The following ITIH1 variants were observed in gnomAD, a reference collection of about 807,000 sequenced individuals.
ITIH1 encodes the protein inter-alpha-trypsin inhibitor heavy chain H1.
Under a neutral mutation model 104.6 loss-of-function variants are expected in ITIH1, and 94 were observed. The observed-to-expected ratio is 0.90, with a 90% confidence interval of 0.76 to 1.07. The LOEUF is 1.07. ITIH1 is among the 50% of genes least tolerant of loss of function. The pLI, the probability that ITIH1 is intolerant of heterozygous loss-of-function variation, is 0.00. For missense variants in ITIH1, 1,193 were observed against 1,181.4 expected, an observed-to-expected ratio of 1.01 and a Z score of -0.14; for synonymous variants, 455 against 464.4, an observed-to-expected ratio of 0.98 and a Z score of 0.26.
chr3:52,787,785 A>T, intron 16 of ITIH1, 173 bp downstream of exon 16: 1 of 915,622 alleles, frequency 1.1e-6, no homozygotes. Context: ...GGAGACAGAG[A>T]GGGGGCCAGC....
Position 52,781,955 on chromosome 3 carries a change from C to T in ITIH1, c.703C>T (p.Arg235Cys), listed in dbSNP as rs1450208611. 13 of 1,614,154 alleles carry T rather than the reference C, an allele frequency of 8.1e-6. No homozygotes were observed. The highest frequency in any genetic ancestry group is 1.0e-5 in the Non-Finnish European group (12 of 1,180,030). Residue 235 changes from arginine to cysteine, a missense_variant, in exon 7 of 22, where the codon CGT (arginine) becomes TGT (cysteine). By Grantham distance (180) the Arg-to-Cys change is radical. Transcript: ENST00000273283. ...FSGKKGHVLFRPTVSQQQSCP... is the reference protein window; with the variant it reads ...FSGKKGHVLFCPTVSQQQSCP... ...ACGGTTCCAGGGTCATGTGCTGTTCCGTCCCACCGTGAGCCAGCAGCAGTC... is the reference window on the plus strand; with the variant it reads ...ACGGTTCCAGGGTCATGTGCTGTTCTGTCCCACCGTGAGCCAGCAGCAGTC...
chr3:52,784,344 G>T lies in ITIH1; in HGVS notation c.1274G>T (p.Arg425Leu). The T allele has an allele frequency of 1.2e-6, 2 of 1,614,134 alleles. No homozygotes were observed. Among genetic ancestry groups the T allele is most frequent in the Non-Finnish European group, 1.7e-6 (2 of 1,180,000 alleles). Residue 425 changes from arginine to leucine, a missense_variant, in exon 11 of 22, where the codon CGG (arginine) becomes CTG (leucine). Coordinates refer to ENST00000273283, the MANE Select transcript of ITIH1 (RefSeq NM_002215.4). ...CTCAAGAACGTCCGCAACGCCATCCGGGGCAGGTTCCCGCTCTACAACCTG... is the reference window on the plus strand; with the variant it reads ...CTCAAGAACGTCCGCAACGCCATCCTGGGCAGGTTCCCGCTCTACAACCTG... ...QILKNVRNAIRGRFPLYNLGF... is the reference protein window; with the variant it reads ...QILKNVRNAILGRFPLYNLGF...
chr3:52,790,574 G>T, intron 19 of ITIH1, 175 bp from the exon 20 acceptor site: 1 of 645,798 alleles, frequency 1.5e-6, no homozygotes, highest in East Asian at 2.8e-5. Flanking sequence ...ACATTGCAAG[G>T]GCCCCAAGCA....
Position 52,785,224 on chromosome 3 carries a change from C to G in ITIH1, c.1588C>G (p.His530Asp). 6.2e-7 allele frequency: 1 copy of G among 1,614,016 alleles called. No homozygotes were observed. Among genetic ancestry groups the G allele is most frequent in the Non-Finnish European group, 8.5e-7 (1 of 1,179,940 alleles). Residue 530 changes from histidine to aspartate, a missense_variant, in exon 12 of 22, where the codon CAT becomes GAT. By Grantham distance (81) the His-to-Asp change is moderately conservative (BLOSUM62 -1). Transcript: ENST00000273283. ...CAGCTTCAAGGCTGATGTGCAGGCC[C>G]ATGGGGTAAATGGTGGGCCATGGAG... ...QSSFKADVQA[H>D]GEGQEFSITC...
chr3:52,781,250 C>G (rs1559461362), intron 6 of ITIH1, among the ~76,000 whole-genome samples: 1 of 112,810 alleles, frequency 8.9e-6, no homozygotes, highest in African/African-American at 3.1e-5. Flanking sequence ...TCTTCTTCTT[C>G]TTCTTCTTCT....
At chr3:52,782,885 T>C (rs1699099521) in intron 8 of ITIH1, 72 bp from the exon 9 acceptor site, 2 of 1,436,872 alleles carry the variant, frequency 1.4e-6, no homozygotes, top group East Asian at 4.6e-5. Context: ...AAATGGGTAT[T>C]TGGAGTTGGA....
chr3:52,781,225 TC>T (rs1699039272), intron 6 of ITIH1, among the ~76,000 whole-genome samples: 7 of 64,916 alleles, frequency 1.1e-4, no homozygotes, highest in African/African-American at 3.3e-4. Context: ...TTCTTCTTCT[TC>T]TTCTTCTTCT....
Position 52,788,235 on chromosome 3 carries a change from A to G in ITIH1, c.2009A>G (p.Asp670Gly). The G allele has an allele frequency of 6.2e-7, 1 of 1,604,460 alleles. No homozygotes were observed. The highest frequency in any genetic ancestry group is 8.5e-7 in the Non-Finnish European group (1 of 1,172,972). ...GAATTCCATGCTGTGCCCCCAGTGG[A>G]CACAGACCCTCACTTCATCATCCAC... ...QRLPDRVTGV[D>G]TDPHFIIHVP... Residue 670 changes from aspartate to glycine, a missense_variant, in exon 18 of 22, where the codon GAC (aspartate) becomes GGC (glycine). Physicochemically the swap from Asp to Gly is moderately conservative, Grantham distance 94 (BLOSUM62 -1). Coordinates refer to ENST00000273283, the MANE Select transcript of ITIH1 (RefSeq NM_002215.4).
chr3:52,788,190 T>C, intron 17 of ITIH1, 42 bp from the exon 18 acceptor site: 1 of 1,542,556 alleles, frequency 6.5e-7, no homozygotes, highest in South Asian at 1.1e-5. Flanking sequence ...CAGCCCCATC[T>C]GCCCGATGTC....
intron 15 of ITIH1, 62 bp from the exon 16 acceptor site, chr3:52,787,530 G>A (rs1160573661): frequency 1.3e-6 from 2 of 1,597,034 alleles, no homozygotes; most frequent in African/African-American, 1.3e-5. Context: ...AGAGCTGCAT[G>A]CCTTTCGTGT....
At chr3:52,781,673 G>C (rs1032792357) in intron 6 of ITIH1, among the ~76,000 whole-genome samples, 1 of 151,968 alleles carries the variant, frequency 6.6e-6, no homozygotes, top group Non-Finnish European at 1.5e-5. Context: ...CTATTATTTT[G>C]TTATTATTTA....
intron 5 of ITIH1, 119 bp from the exon 6 acceptor site, chr3:52,780,150 A>G (rs1698997199): frequency 2.1e-6 from 2 of 951,190 alleles, no homozygotes; most frequent in Non-Finnish European, 3.1e-6. Context: ...CTATAATCCC[A>G]GCTACGTGGG....
chr3:52,790,590 TG>T, intron 19 of ITIH1, 158 bp from the exon 20 acceptor site: 1 of 694,228 alleles, frequency 1.4e-6, no homozygotes, highest in Non-Finnish European at 2.5e-6. Flanking sequence ...AAGCAACATG[TG>T]GGGAGGGGCG....
In ITIH1 at chr3:52,787,332, C is replaced by G; in HGVS notation, c.1903+130C>G. On this transcript the variant is annotated intron_variant, in intron 15 of 21. Transcript: ENST00000273283. ...ACTCCACTCCTTCCCGTTCTTCCGT[C>G]CCCTGAGCCGCCCTTCTCCACATCA... 5.2e-6 allele frequency: 7 copies of G among 1,341,010 alleles called. No individual in the cohort carries two copies. The South Asian group carries it at 8.2e-5, about 16-fold the overall frequency. The allele number at this position is 1,341,010 out of a possible 1,614,324, so 83.1% of individuals were successfully genotyped here.
chr3:52,783,730 G>A (rs1454738215), intron 10 of ITIH1, among the ~76,000 whole-genome samples: 1 of 152,106 alleles, frequency 6.6e-6, no homozygotes, highest in African/African-American at 2.4e-5. Context: ...GGGACCTACT[G>A]GGGGAAGCAG....
chr3:52,786,420 G>A lies in ITIH1; in HGVS notation c.1719G>A (p.Glu573=), dbSNP rs1389892276. The part of the protein sequence containing the change: ...ERLWAYLTIQ[E]LLAKRMKVDR... ...TCTGGGCCTACCTCACCATCCAGGA[G>A]CTGCTGGCCAAGCGGTAGGGCACCT... The change falls in exon 13 of 22, where the codon GAG becomes GAA. Residue 573 remains glutamate, a synonymous_variant. Transcript: ENST00000273283. 6.3e-7 allele frequency: 1 copy of A among 1,584,874 alleles called. No individual in the cohort carries two copies.
rs34925267 is a variant in ITIH1 at position 52,778,399 on chromosome 3, C to T, written c.198C>T (p.Phe66=). The T allele has an allele frequency of 5.1e-3, 8,257 of 1,614,172 alleles. 385 individuals carry two copies. In the African/African-American group the frequency reaches 0.096, roughly 19 times the overall value. ...LKVNCKVTSR[F]AHYVVTSQVV... ...TCAACTGCAAAGTCACCTCTCGCTTCGCCCACTATGTTGTCACCAGCCAAG... is the reference window on the plus strand; with the variant it reads ...TCAACTGCAAAGTCACCTCTCGCTTTGCCCACTATGTTGTCACCAGCCAAG... The change falls in exon 3 of 22, where the codon TTC becomes TTT. Residue 66 remains phenylalanine (F), a synonymous_variant. Transcript: ENST00000273283.
chr3:52,783,465 AG>A, intron 10 of ITIH1, 126 bp downstream of exon 10: 1 of 992,622 alleles, frequency 1.0e-6, no homozygotes, highest in East Asian at 2.6e-5. Context: ...GGCAAAATCA[AG>A]CACTGGTCTA....
At chr3:52,787,352 A>G (rs897562658) in intron 15 of ITIH1, 150 bp downstream of exon 15, 66 of 1,227,416 alleles carry the variant, frequency 5.4e-5, no homozygotes, top group Non-Finnish European at 7.5e-5. Flanking sequence ...GCCCTTCTCC[A>G]CATCACCGCG....
Sources: allele counts gnomAD v4.1 joint callset (sites outside exome capture counted in the v4.1 genomes callset), GRCh38; gene constraint gnomAD v4.1.1; transcripts MANE v1.5; gene names NCBI Gene and HGNC (gene_info 2026-07-23, HGNC 2026-07-21).